The following NHSL1 variants were observed in gnomAD, a reference collection of about 807,000 sequenced individuals.
NHSL1 encodes NHS-like protein 1.
In NHSL1, 48 loss-of-function variants were observed where a neutral mutation model predicts 95.0. That is an observed-to-expected ratio of 0.51 (90% CI 0.40 to 0.64). The LOEUF (loss-of-function observed/expected upper bound fraction) is 0.64, where lower values mean the gene tolerates loss of function less well. Among genes scored for constraint, NHSL1 ranks in the 30% least tolerant of loss-of-function variants. The pLI, the probability that NHSL1 is intolerant of heterozygous loss-of-function variation, is 0.00. For synonymous variants in NHSL1, 783 were observed against 833.9 expected (o/e 0.94, Z 1.05); for missense variants, 1,971 against 2,077.7 (o/e 0.95, Z 1.00).
At position 138,604,344 on chromosome 6, in the gene NHSL1, T is replaced by TA. The variant is rs1437098810; in HGVS notation, c.96+88131dup. Among the ~76,000 whole-genome samples the TA allele has an allele frequency of 2.6e-5, 4 of 152,358 alleles. No individual in the cohort carries two copies. The East Asian group carries it at 7.7e-4, about 29-fold the overall frequency. On this transcript the variant is annotated intron_variant, in intron 1 of 3. Coordinates refer to the NHSL1 transcript ENST00000491526. ...AAGCCATGTATGAGAAGTAATCATC[T>TA]AAGGCAGCAGTCCTTAAACTTCAAA...
At chr6:138,513,408 ACT>A (rs1389677120) in intron 1 of NHSL1, among the ~76,000 whole-genome samples, 3 of 151,934 alleles carry the variant, frequency 2.0e-5, no homozygotes, top group African/African-American at 7.3e-5. Context: ...ACAGGGACTC[ACT>A]CTGTCACCCA....
upstream of NHSL1, chr6:138,545,782 AC>A: frequency 1.7e-6 from 2 of 1,205,422 alleles, no homozygotes; most frequent in Non-Finnish European, 2.1e-6. Flanking sequence ...CCAGGAAGCC[AC>A]TGCCCAATCC....
Position 138,430,099 on chromosome 6 carries a change from G to A in NHSL1, c.3953-256C>T, listed in dbSNP as rs1338474267. 6.6e-6 allele frequency among the ~76,000 whole-genome samples: 1 copy of A among 152,130 alleles called. No individual in the cohort carries two copies. The highest frequency in any genetic ancestry group is 1.5e-5 in the Non-Finnish European group (1 of 68,018). On this transcript the variant is annotated intron_variant, in intron 6 of 7. Transcript: ENST00000343505. This position sits in a 1 kb window ranked among gnomAD's most constrained non-coding sequence, Gnocchi z 4.7. ...ATTTTGTTGCAACGTTTCTTTGCGCGGCTCTTCGGAAGGGAGGTGTTACCC... is the reference window on the plus strand; with the variant it reads ...ATTTTGTTGCAACGTTTCTTTGCGCAGCTCTTCGGAAGGGAGGTGTTACCC...
intron 1 of NHSL1, among the ~76,000 whole-genome samples, chr6:138,524,548 T>C (rs756595461): frequency 2.1e-4 from 32 of 152,242 alleles, no homozygotes; most frequent in Non-Finnish European, 1.2e-4. Context: ...TTATTCTTAT[T>C]GGTATGGTAA....
intron 1 of NHSL1, among the ~76,000 whole-genome samples, chr6:138,685,889 G>A (rs1785579076): frequency 6.6e-6 from 1 of 151,792 alleles, no homozygotes; most frequent in East Asian, 1.9e-4. Context: ...TATCAACATG[G>A]GCAAACAAAT....
chr6:138,489,865 A>G (rs866604716), intron 2 of NHSL1, among the ~76,000 whole-genome samples: 55 of 71,650 alleles, frequency 7.7e-4, no homozygotes, highest in African/African-American at 4.3e-3. Context: ...AGAGAGAGAG[A>G]GAGAGAGGGA....
At chr6:138,592,078 T>C (rs79461151) in intron 1 of NHSL1, among the ~76,000 whole-genome samples, 1 of 152,166 alleles carries the variant, frequency 6.6e-6, no homozygotes, top group Admixed American at 6.5e-5. Flanking sequence ...TGCATTCTCA[T>C]AGCTATAATC....
chr6:138,562,351 A>G (rs916022488), intron 1 of NHSL1, among the ~76,000 whole-genome samples: 5 of 152,216 alleles, frequency 3.3e-5, no homozygotes, highest in Non-Finnish European at 5.9e-5. Context: ...CTCTTAATAA[A>G]GATACCCTAA....
intron 1 of NHSL1, among the ~76,000 whole-genome samples, chr6:138,598,345 C>T (rs1198275038): frequency 1.3e-5 from 2 of 152,098 alleles, no homozygotes; most frequent in African/African-American, 2.4e-5. Flanking sequence ...GTAGTCCCAA[C>T]TACTTGGAAG....
At chr6:138,670,980 C>A (rs184915459) in intron 1 of NHSL1, among the ~76,000 whole-genome samples, 1 of 151,988 alleles carries the variant, frequency 6.6e-6, no homozygotes, top group East Asian at 2.0e-4. Flanking sequence ...GAGACTCCTA[C>A]CTCTACAAAA....
intron 1 of NHSL1, among the ~76,000 whole-genome samples, chr6:138,554,085 A>G (rs4612183): frequency 0.14 from 20,601 of 152,250 alleles, 2,938 homozygotes; most frequent in African/African-American, 0.37. Context: ...CTTATAAGGA[A>G]CTGTATTATA....
At chr6:138,596,820 C>G (rs1334672730) in intron 1 of NHSL1, among the ~76,000 whole-genome samples, 1 of 152,086 alleles carries the variant, frequency 6.6e-6, no homozygotes, top group Non-Finnish European at 1.5e-5. Context: ...AAAATAGTCT[C>G]TAGAGGCAGC....
chr6:138,442,114 C>G lies in NHSL1; in HGVS notation c.533G>C (p.Gly178Ala), dbSNP rs1158373485. 6.5e-7 allele frequency: 1 copy of G among 1,547,952 alleles called. No individual in the cohort carries two copies. Among genetic ancestry groups the G allele is most frequent in the Non-Finnish European group, 8.7e-7 (1 of 1,145,494 alleles). The change falls in exon 5 of 8, where the codon GGG (glycine) becomes GCG (alanine). Residue 178 changes from glycine (G) to alanine (A), a missense_variant and splice_region_variant. Gly to Ala is a moderately conservative substitution (Grantham distance 60). Transcript: ENST00000343505. ...QADVVPINIT[G>A]ENFDRQASLR... ...GCTGGCCTGGCGATCGAAATTCTCC[C>G]CTAATGTAGAGTAGTAGAACAAGCA...
At chr6:138,474,409 C>G (rs541043633) in intron 2 of NHSL1, among the ~76,000 whole-genome samples, 1 of 152,214 alleles carries the variant, frequency 6.6e-6, no homozygotes, top group South Asian at 2.1e-4. Flanking sequence ...ATGATTCTTC[C>G]TCAAAGAGGA....
At chr6:138,538,044 A>G (rs1204892115) in intron 1 of NHSL1, among the ~76,000 whole-genome samples, 3 of 152,238 alleles carry the variant, frequency 2.0e-5, no homozygotes, top group South Asian at 2.1e-4. Context: ...GATGAACTTC[A>G]GAGGTATTTC....
intron 2 of NHSL1, among the ~76,000 whole-genome samples, chr6:138,485,770 G>T (rs1269277252): frequency 1.3e-5 from 2 of 152,194 alleles, no homozygotes; most frequent in Admixed American, 1.3e-4. Flanking sequence ...TCACCCGGCT[G>T]GGCAACTTTC....
chr6:138,438,529 A>G lies in NHSL1; in HGVS notation c.664+3454T>C, dbSNP rs187823053. Reference sequence around the variant, plus strand: ...ACCCTGAGGTATGTCTTTACAGATTAAAGGATGGAACAAACTACAAAAAGA... The same window carrying G: ...ACCCTGAGGTATGTCTTTACAGATTGAAGGATGGAACAAACTACAAAAAGA... On this transcript the variant is annotated intron_variant, in intron 5 of 7. Coordinates refer to ENST00000343505, the MANE Select transcript of NHSL1 (RefSeq NM_001144060.2). Among the ~76,000 whole-genome samples, 181 of 152,324 alleles carry G rather than the reference A, an allele frequency of 1.2e-3. 2 individuals are homozygous for G. Among genetic ancestry groups the G allele is most frequent in the Admixed American group, 0.012 (178 of 15,304 alleles).
intron 1 of NHSL1, among the ~76,000 whole-genome samples, chr6:138,630,510 C>T (rs1161247324): frequency 2.6e-5 from 4 of 151,952 alleles, no homozygotes; most frequent in Non-Finnish European, 5.9e-5. Context: ...CTCAGCCTCC[C>T]GAGTAGCTGG....
intron 3 of NHSL1, among the ~76,000 whole-genome samples, chr6:138,458,635 T>C (rs780005074): frequency 1.6e-4 from 25 of 152,096 alleles, no homozygotes; most frequent in Admixed American, 1.3e-4. Flanking sequence ...GAGACCATCC[T>C]GGCCACATGG....
Sources: allele counts gnomAD v4.1 joint callset (sites outside exome capture counted in the v4.1 genomes callset), GRCh38; gene constraint gnomAD v4.1.1; non-coding constraint Gnocchi (gnomAD v3.1); transcripts MANE v1.5; gene names NCBI Gene and HGNC (gene_info 2026-07-23, HGNC 2026-07-21).